Variants in ITGBL1 observed in about 807,000 individuals in gnomAD.
ITGBL1 encodes the protein integrin beta-like protein 1.
ITGBL1 carries 51 observed loss-of-function variants against 68.5 expected under a neutral mutation model. The ratio of observed to expected loss-of-function variants is 0.74; its 90% CI spans 0.59 to 0.94. The LOEUF (loss-of-function observed/expected upper bound fraction) is 0.94, where lower values mean the gene tolerates loss of function less well. Among genes scored for constraint, ITGBL1 ranks in the 40% least tolerant of loss-of-function variants. The pLI is 0.00. For missense variants in ITGBL1, 649 were observed against 647.4 expected (o/e 1.00, Z -0.03); for synonymous variants, 209 against 227.3 (o/e 0.92, Z 0.72).
rs2034693641 is a variant in ITGBL1, at chr13:101,715,761, T to C, written c.*107T>C. ...CCACTAGGACAGGTTAAAAAGACCA[T>C]TGTATGTTTTTCTATTTCTGAATTA... On this transcript the variant is annotated 3_prime_UTR_variant, in exon 11 of 11. Coordinates refer to ENST00000376180, the MANE Select transcript of ITGBL1 (RefSeq NM_004791.3). 1.3e-5 allele frequency: 8 copies of C among 633,574 alleles called. No individual in the cohort carries two copies. The highest frequency in any genetic ancestry group is 2.7e-5 in the East Asian group (1 of 37,160). The allele number at this position is 633,574 out of a possible 1,614,324, so 39.2% of individuals were successfully genotyped here.
chr13:101,643,983 G>A (rs560944090), intron 7 of ITGBL1, among the ~76,000 whole-genome samples: 1 of 152,208 alleles, frequency 6.6e-6, no homozygotes, highest in South Asian at 2.1e-4. Context: ...TTCAAACTTA[G>A]AGCCAACATC....
chr13:101,689,211 T>A (rs1342567040), intron 7 of ITGBL1, among the ~76,000 whole-genome samples: 13 of 74,868 alleles, frequency 1.7e-4, no homozygotes, highest in African/African-American at 3.3e-4. Flanking sequence ...AGACTCTGCC[T>A]AAAAAAAAAA....
intron 9 of ITGBL1, among the ~76,000 whole-genome samples, chr13:101,709,715 A>G (rs1219684533): frequency 6.6e-6 from 1 of 152,234 alleles, no homozygotes; most frequent in Non-Finnish European, 1.5e-5. Flanking sequence ...TTATTTTAAG[A>G]GTCAACTATT....
At chr13:101,620,913 C>A (rs886110090) in intron 7 of ITGBL1, among the ~76,000 whole-genome samples, 3 of 152,102 alleles carry the variant, frequency 2.0e-5, no homozygotes, top group Non-Finnish European at 2.9e-5. Context: ...ACAACTGCAC[C>A]TGGGGCTGTA....
At chr13:101,565,985 A>G (rs2050177645) in intron 2 of ITGBL1, among the ~76,000 whole-genome samples, 1 of 152,082 alleles carries the variant, frequency 6.6e-6, no homozygotes, top group South Asian at 2.1e-4. Flanking sequence ...TGACCCACAA[A>G]TTATTTCCCA....
intron 7 of ITGBL1, among the ~76,000 whole-genome samples, chr13:101,686,472 C>A (rs2033757774): frequency 6.6e-6 from 1 of 151,948 alleles, no homozygotes; most frequent in Admixed American, 6.6e-5. Context: ...CAAGTGCTGA[C>A]TAATTTATAA....
chr13:101,685,617 A>T (rs1266567760), intron 7 of ITGBL1, among the ~76,000 whole-genome samples: 2 of 152,074 alleles, frequency 1.3e-5, no homozygotes, highest in African/African-American at 4.8e-5. Context: ...TTTTGAAAAG[A>T]TTATTATATA....
intron 7 of ITGBL1, among the ~76,000 whole-genome samples, chr13:101,654,875 A>G (rs2032868298): frequency 6.6e-6 from 1 of 152,098 alleles, no homozygotes; most frequent in African/African-American, 2.4e-5. Context: ...ACCAAGAAGA[A>G]AGGGTCAAAG....
intron 7 of ITGBL1, among the ~76,000 whole-genome samples, chr13:101,637,730 T>G (rs1229946337): frequency 2.0e-5 from 3 of 152,140 alleles, no homozygotes; most frequent in African/African-American, 7.2e-5. Flanking sequence ...GCCAACTCTC[T>G]CTTTTACCTT....
At chr13:101,670,886 T>C (rs994497904) in intron 7 of ITGBL1, among the ~76,000 whole-genome samples, 1 of 152,244 alleles carries the variant, frequency 6.6e-6, no homozygotes, top group Non-Finnish European at 1.5e-5. Context: ...CCAAAGATTA[T>C]GTAAAATTTA....
chr13:101,479,502 A>G (rs2048585526), intron 2 of ITGBL1, among the ~76,000 whole-genome samples: 1 of 152,138 alleles, frequency 6.6e-6, no homozygotes. Context: ...AAAGGCAACA[A>G]TCAACAAAGT....
At chr13:101,638,846 CAGTG>C (rs1353828220) in intron 7 of ITGBL1, among the ~76,000 whole-genome samples, 2 of 152,118 alleles carry the variant, frequency 1.3e-5, no homozygotes, top group Non-Finnish European at 2.9e-5. Flanking sequence ...TCAAATGCAA[CAGTG>C]AGATTGAAAA....
At chr13:101,566,332 A>G (rs2050182946) in intron 2 of ITGBL1, among the ~76,000 whole-genome samples, 1 of 152,166 alleles carries the variant, frequency 6.6e-6, no homozygotes. Context: ...GGTGGTTGAC[A>G]GGTGAGATCA....
intron 2 of ITGBL1, among the ~76,000 whole-genome samples, chr13:101,552,875 C>G (rs753130751): frequency 2.0e-5 from 3 of 152,120 alleles, no homozygotes; most frequent in Non-Finnish European, 4.4e-5. Flanking sequence ...TTTGTGTTAG[C>G]CATTTCACAA....
intron 7 of ITGBL1, among the ~76,000 whole-genome samples, chr13:101,680,109 G>A (rs537364072): frequency 6.6e-6 from 1 of 152,170 alleles, no homozygotes; most frequent in Non-Finnish European, 1.5e-5. Context: ...AGGTGAGGGT[G>A]CCTCTTCACT....
In ITGBL1 at chr13:101,514,931, C is replaced by T. The variant is rs144366039; in HGVS notation, c.317-52768C>T. Among the ~76,000 whole-genome samples, 13 of 152,102 alleles carry T rather than the reference C, an allele frequency of 8.5e-5. No homozygotes were observed. The East Asian group carries it at 2.3e-3, about 27-fold the overall frequency. On this transcript the variant is annotated intron_variant, in intron 2 of 10. Coordinates refer to ENST00000376180, the MANE Select transcript of ITGBL1 (RefSeq NM_004791.3). ...CACCAGAGGGCTCCCATATTCCTTC[C>T]ATCTAAGTATGAAAATACAAAGTGC...
At chr13:101,709,421 G>T (rs1342723930) in intron 9 of ITGBL1, among the ~76,000 whole-genome samples, 1 of 150,242 alleles carries the variant, frequency 6.7e-6, no homozygotes, top group East Asian at 1.9e-4. Flanking sequence ...AGGAGGCAGG[G>T]ATGGAATTAA....
At chr13:101,697,499 A>G (rs1325349136) in intron 8 of ITGBL1, among the ~76,000 whole-genome samples, 1 of 152,216 alleles carries the variant, frequency 6.6e-6, no homozygotes, top group African/African-American at 2.4e-5. Context: ...GTAAGATTTA[A>G]GTGAGAAGAA....
At chr13:101,526,892 TA>T (rs1222025424) in intron 2 of ITGBL1, among the ~76,000 whole-genome samples, 2 of 152,074 alleles carry the variant, frequency 1.3e-5, no homozygotes, top group African/African-American at 2.4e-5. Flanking sequence ...TTACTAAAAA[TA>T]AGAACATTTT....
Sources: gnomAD v4.1 joint callset for allele counts (sites outside exome capture counted in the v4.1 genomes callset) on GRCh38, gnomAD v4.1.1 for gene constraint, MANE v1.5 for transcripts, NCBI Gene and HGNC (gene_info 2026-07-23, HGNC 2026-07-21) for gene names.